The following DCAF1 variants were observed in gnomAD, a reference collection of about 807,000 sequenced individuals.
The protein encoded by DCAF1 is DDB1- and CUL4-associated factor 1.
A neutral mutation model predicts 128.0 loss-of-function variants in DCAF1; 15 were observed. The ratio of observed to expected loss-of-function variants is 0.12; its 90% confidence interval spans 0.08 to 0.18. DCAF1 has a LOEUF of 0.18. Among genes scored for constraint, DCAF1 ranks in the 10% least tolerant of loss-of-function variants. The pLI is 1.00. For missense variants in DCAF1, 988 were observed against 1,649.5 expected (o/e 0.60, Z 6.95); for synonymous variants, 610 against 603.0 (o/e 1.01, Z -0.17).
At chr3:51,430,857 C>T (rs767294178) in intron 10 of DCAF1, among the ~76,000 whole-genome samples, 3 of 152,120 alleles carry the variant, frequency 2.0e-5, no homozygotes, top group African/African-American at 4.8e-5. Context: ...AGAAATTACC[C>T]ATTTCACTCT....
chr3:51,498,484 T>C (rs1708491635), intron 1 of DCAF1, among the ~76,000 whole-genome samples: 1 of 151,746 alleles, frequency 6.6e-6, no homozygotes, highest in Admixed American at 6.6e-5. Context: ...ATGTCTGTAA[T>C]TCCAACACTT....
At chr3:51,499,108 C>G (rs1439265741) in intron 1 of DCAF1, among the ~76,000 whole-genome samples, 1 of 152,162 alleles carries the variant, frequency 6.6e-6, no homozygotes, top group African/African-American at 2.4e-5. Context: ...AAATGGAAAA[C>G]CAGAGCGCTG....
chr3:51,419,302 A>T (rs963696630), intron 15 of DCAF1, among the ~76,000 whole-genome samples: 2 of 152,154 alleles, frequency 1.3e-5, no homozygotes, highest in Non-Finnish European at 2.9e-5. Flanking sequence ...CAGAGGTTGC[A>T]GTGAGCCAAG....
intron 3 of DCAF1, 70 bp from the exon 4 acceptor site, chr3:51,471,075 A>C: frequency 1.1e-6 from 1 of 944,954 alleles, no homozygotes; most frequent in South Asian, 1.7e-5. Flanking sequence ...ACAACAGTCA[A>C]TTCAACGGTC....
chr3:51,443,097 A>G (rs903901694), intron 7 of DCAF1, among the ~76,000 whole-genome samples: 9 of 151,834 alleles, frequency 5.9e-5, no homozygotes, highest in Non-Finnish European at 7.4e-5. Flanking sequence ...GGGGGGAGGG[A>G]AAAAAAAGGG....
At chr3:51,432,707 C>A (rs1453584263) in intron 10 of DCAF1, among the ~76,000 whole-genome samples, 1 of 152,168 alleles carries the variant, frequency 6.6e-6, no homozygotes, top group Non-Finnish European at 1.5e-5. Context: ...GATCCACCCA[C>A]CTCGACCTCC....
intron 6 of DCAF1, among the ~76,000 whole-genome samples, chr3:51,457,717 T>C (rs1208768559): frequency 2.6e-5 from 4 of 152,188 alleles, no homozygotes; most frequent in Admixed American, 6.6e-5. Flanking sequence ...CTGATCTCTC[T>C]GCAGAAACTC....
intron 6 of DCAF1, among the ~76,000 whole-genome samples, chr3:51,461,865 G>C (rs1160875627): frequency 2.6e-5 from 4 of 151,984 alleles, no homozygotes; most frequent in African/African-American, 9.7e-5. Context: ...TGAACAATGA[G>C]AACACATGGA....
intron 2 of DCAF1, 75 bp from the exon 3 acceptor site, chr3:51,483,911 G>T: frequency 9.8e-7 from 1 of 1,021,984 alleles, no homozygotes; most frequent in Non-Finnish European, 1.5e-6. Context: ...AGAAGGGGTA[G>T]AAAAGGACGA....
intron 22 of DCAF1, 141 bp downstream of exon 22, chr3:51,412,852 C>G (rs1698553967): frequency 7.6e-6 from 10 of 1,316,328 alleles, no homozygotes; most frequent in Non-Finnish European, 1.0e-5. Flanking sequence ...CAAGCCCCAT[C>G]AAATGAATAG....
At chr3:51,468,565 G>A (rs1319582906) in intron 4 of DCAF1, among the ~76,000 whole-genome samples, 1 of 152,158 alleles carries the variant, frequency 6.6e-6, no homozygotes, top group East Asian at 1.9e-4. Flanking sequence ...ATACAATAGA[G>A]AATGAAGACA....
intron 2 of DCAF1, among the ~76,000 whole-genome samples, chr3:51,488,902 T>A (rs935730146): frequency 1.7e-4 from 26 of 151,618 alleles, no homozygotes; most frequent in African/African-American, 6.1e-4. Context: ...GAGGCGGAGG[T>A]TGCAGTAAGC....
chr3:51,447,454 AT>A, intron 6 of DCAF1, among the ~76,000 whole-genome samples: 2 of 152,132 alleles, frequency 1.3e-5, no homozygotes, highest in South Asian at 4.2e-4. Flanking sequence ...TGAAGAACAC[AT>A]TTTTGGAAAT....
intron 7 of DCAF1, among the ~76,000 whole-genome samples, chr3:51,442,767 A>T (rs1203781313): frequency 6.6e-6 from 1 of 152,178 alleles, no homozygotes; most frequent in Non-Finnish European, 1.5e-5. Flanking sequence ...TTTAAATCAG[A>T]ATAGTGGATA....
intron 6 of DCAF1, among the ~76,000 whole-genome samples, chr3:51,459,427 C>A (rs1668627591): frequency 6.6e-6 from 1 of 152,130 alleles, no homozygotes; most frequent in Non-Finnish European, 1.5e-5. Flanking sequence ...AGCTTACCAA[C>A]CAAAAAAAGT....
In DCAF1 at chr3:51,496,299, C is replaced by T. The variant is rs142648383; in HGVS notation, c.-9+435G>A. On this transcript the variant is annotated intron_variant, in intron 2 of 24. Transcript: ENST00000684031. The stretch of plus-strand genomic sequence containing the variant: ...AAAATTAGCCAGGCATGGTGGCACA[C>T]GCCTGTAATCCCAGCTGCTCCGGAG... Among the ~76,000 whole-genome samples, 588 of 152,210 alleles carry T rather than the reference C, an allele frequency of 3.9e-3. 6 individuals carry two copies. Among genetic ancestry groups the T allele is most frequent in the African/African-American group, 0.013 (555 of 41,536 alleles).
intron 1 of DCAF1, among the ~76,000 whole-genome samples, chr3:51,498,746 GAATA>G (rs1708516352): frequency 6.6e-6 from 1 of 151,880 alleles, no homozygotes; most frequent in East Asian, 1.9e-4. Context: ...AATGGGTAAT[GAATA>G]AATGTTATAT....
intron 6 of DCAF1, among the ~76,000 whole-genome samples, chr3:51,445,748 A>G (rs1701789356): frequency 6.6e-6 from 1 of 152,198 alleles, no homozygotes; most frequent in African/African-American, 2.4e-5. Flanking sequence ...AAATTTTTCC[A>G]AAGTGATTGC....
intron 4 of DCAF1, among the ~76,000 whole-genome samples, chr3:51,467,664 A>T (rs184393408): frequency 3.5e-4 from 53 of 152,136 alleles, no homozygotes; most frequent in South Asian, 2.5e-3. Context: ...TATATATATA[A>T]AAAAAGAAAC....
Sources: allele counts gnomAD v4.1 joint callset (sites outside exome capture counted in the v4.1 genomes callset), GRCh38; gene constraint gnomAD v4.1.1; transcripts MANE v1.5; gene names NCBI Gene and HGNC (gene_info 2026-07-23, HGNC 2026-07-21).